Variants in SAA2 observed in about 807,000 individuals in gnomAD.
SAA2 encodes the protein serum amyloid A2.
Under a neutral mutation model 9.1 loss-of-function variants are expected in SAA2, and 5 were observed. The observed-to-expected ratio is 0.55, with a 90% confidence interval of 0.29 to 1.16. The LOEUF is 1.16. Ranked by LOEUF, SAA2 falls within the 50% of genes most tolerant of loss-of-function variation. The probability of loss-of-function intolerance (pLI) is 0.09; values close to 1 mark genes in which losing one functional copy is unlikely to be tolerated. For missense variants in SAA2, 94 were observed against 153.8 expected (o/e 0.61, Z 2.06); for synonymous variants, 49 against 59.8 (o/e 0.82, Z 0.83).
chr11:18,241,718 A>G (rs920023273), downstream of SAA2, among the ~76,000 whole-genome samples: 3 of 152,186 alleles, frequency 2.0e-5, no homozygotes, highest in African/African-American at 7.2e-5. Flanking sequence ...ATGGACATAG[A>G]AAGTGGAATA....
chr11:18,240,113 G>T, intron 3 of SAA2: 2 of 1,176,254 alleles, frequency 1.7e-6, no homozygotes, highest in Non-Finnish European at 2.4e-6. Flanking sequence ...GGAGAAGATG[G>T]GGAATGTACA....
chr11:18,239,870 T>C, exon 4 of SAA2: 5 of 1,517,962 alleles, frequency 3.3e-6, no homozygotes, highest in Non-Finnish European at 4.4e-6. Flanking sequence ...GTGGTGGTTA[T>C]TTACACTGAA....
At chr11:18,245,830 A>T in intron 3 of SAA2, 80 bp downstream of exon 3, 1 of 1,500,542 alleles carries the variant, frequency 6.7e-7, no homozygotes, top group Non-Finnish European at 8.9e-7. Flanking sequence ...CTTCTCCACA[A>T]GGAGCTCGTC....
downstream of SAA2, chr11:18,240,350 G>T (rs915426574): frequency 1.4e-6 from 1 of 699,690 alleles, no homozygotes; most frequent in Non-Finnish European, 2.6e-6. Context: ...ATGGGATGCA[G>T]CCATAAGGCA....
downstream of SAA2, among the ~76,000 whole-genome samples, chr11:18,241,224 C>CA (rs1357345353): frequency 6.6e-6 from 1 of 151,774 alleles, no homozygotes; most frequent in Non-Finnish European, 1.5e-5. Context: ...ACTAAAATGT[C>CA]AAAAAAACAA....
exon 4 of SAA2, chr11:18,239,447 T>C: frequency 2.7e-6 from 1 of 363,854 alleles, no homozygotes; most frequent in Non-Finnish European, 4.9e-6. Flanking sequence ...TTGTCTGTGG[T>C]GTTTTGATTG....
chr11:18,245,176 T>C (rs1857464467), downstream of SAA2: 3 of 1,263,590 alleles, frequency 2.4e-6, no homozygotes, highest in East Asian at 5.2e-5. Flanking sequence ...TGGGTGTGCA[T>C]TGATTTCCCT....
chr11:18,241,096 AC>A (rs1396468723), downstream of SAA2, among the ~76,000 whole-genome samples: 2 of 152,252 alleles, frequency 1.3e-5, no homozygotes, highest in African/African-American at 4.8e-5. Flanking sequence ...CAAATGGCCA[AC>A]AAAATATGAA....
rs893938356 is a variant in SAA2, at chr11:18,240,139, C to A, written c.231-170G>T. 12 of 864,788 alleles carry A rather than the reference C, an allele frequency of 1.4e-5. No individual in the cohort carries two copies. The African/African-American group carries it at 1.5e-4, about 11-fold the overall frequency. The allele number at this position is 864,788 out of a possible 1,614,324, so 53.6% of individuals were successfully genotyped here. Reference sequence around the variant, plus strand: ...GGAATGTACACAAATTTTTTGAAGTCATAAATGATTATTAGGAAGAATGAG... The same window carrying A: ...GGAATGTACACAAATTTTTTGAAGTAATAAATGATTATTAGGAAGAATGAG... On this transcript the variant is annotated intron_variant, in intron 3 of 3. Transcript: ENST00000414546.
At chr11:18,243,288 CTT>C (rs1857401575), downstream of SAA2, among the ~76,000 whole-genome samples, 1 of 152,094 alleles carries the variant, frequency 6.6e-6, no homozygotes, top group African/African-American at 2.4e-5. Flanking sequence ...AAAGACTAGA[CTT>C]TGAAAGCTTG....
chr11:18,240,064 A>G lies in SAA2; in HGVS notation c.231-95T>C, dbSNP rs533041844. 210 of 1,470,634 alleles carry G rather than the reference A, an allele frequency of 1.4e-4. 2 individuals are homozygous for G. The highest frequency in any genetic ancestry group is 1.4e-3 in the South Asian group (109 of 79,544). The allele number at this position is 1,470,634 out of a possible 1,614,324, so 91.1% of individuals were successfully genotyped here. On this transcript the variant is annotated intron_variant, in intron 3 of 3. Coordinates refer to the SAA2 transcript ENST00000414546. Reference sequence around the variant, plus strand: ...AGGAGGGTGATTTCCCAATAACCCAATGGGGTACCGGTGATTATATACTAT... The same window carrying G: ...AGGAGGGTGATTTCCCAATAACCCAGTGGGGTACCGGTGATTATATACTAT...
In SAA2 at chr11:18,245,329, C is replaced by A; in HGVS notation, c.*48G>T. On this transcript the variant is annotated 3_prime_UTR_variant, in exon 4 of 4. Transcript: ENST00000256733. ...ACCTCACTAACTTTGTATCCCTGCC[C>A]CGAGGGCCTCATAGCCAGGTCTCCT... is the stretch of plus-strand genomic sequence containing the variant. 6.2e-7 allele frequency: 1 copy of A among 1,610,950 alleles called. No individual in the cohort carries two copies. Among genetic ancestry groups the A allele is most frequent in the Admixed American group, 1.7e-5 (1 of 59,958 alleles).
downstream of SAA2, among the ~76,000 whole-genome samples, chr11:18,241,045 G>A (rs559626163): frequency 2.0e-5 from 3 of 152,176 alleles, no homozygotes; most frequent in East Asian, 1.9e-4. Context: ...ATTAAAAAGC[G>A]GGCAAAGGAC....
At chr11:18,238,251 TTG>T (rs1434085288), downstream of SAA2, among the ~76,000 whole-genome samples, 1 of 152,236 alleles carries the variant, frequency 6.6e-6, no homozygotes, top group Non-Finnish European at 1.5e-5. Context: ...TACTGGTTTA[TTG>T]TGTTTTTATT....
downstream of SAA2, among the ~76,000 whole-genome samples, chr11:18,244,717 T>C (rs1428050364): frequency 1.3e-5 from 2 of 152,144 alleles, no homozygotes; most frequent in Admixed American, 6.5e-5. Context: ...AAAACATTCA[T>C]AAAAGGAGTC....
At chr11:18,241,258 A>G (rs985008353), downstream of SAA2, among the ~76,000 whole-genome samples, 8 of 152,190 alleles carry the variant, frequency 5.3e-5, no homozygotes, top group African/African-American at 1.9e-4. Flanking sequence ...GGATGTGGAG[A>G]AAAGGGAATG....
chr11:18,238,572 T>C (rs983398038), downstream of SAA2, among the ~76,000 whole-genome samples: 5 of 152,318 alleles, frequency 3.3e-5, no homozygotes, highest in African/African-American at 1.2e-4. Flanking sequence ...GTACATGAGA[T>C]ATTTTGGTAC....
chr11:18,240,123 A>G (rs1857302598), intron 3 of SAA2: 3 of 1,097,988 alleles, frequency 2.7e-6, no homozygotes, highest in Non-Finnish European at 4.0e-6. Context: ...GGGAATGTAC[A>G]CAAATTTTTT....
downstream of SAA2, among the ~76,000 whole-genome samples, chr11:18,241,890 CT>C (rs1166458583): frequency 1.3e-5 from 2 of 152,040 alleles, no homozygotes; most frequent in African/African-American, 2.4e-5. Context: ...CTTGTACCCC[CT>C]AAATCTATAA....
Sources: allele counts gnomAD v4.1 joint callset (sites outside exome capture counted in the v4.1 genomes callset), GRCh38; gene constraint gnomAD v4.1.1; transcripts MANE v1.5; gene names NCBI Gene and HGNC (gene_info 2026-07-23, HGNC 2026-07-21).